Variants in IGSF22 observed in about 807,000 individuals in gnomAD.
The protein encoded by IGSF22 is immunoglobulin superfamily member 22.
In IGSF22, 119 loss-of-function variants were observed where a neutral mutation model predicts 127.0. The ratio of observed to expected loss-of-function variants is 0.94; its 90% CI spans 0.81 to 1.09. The LOEUF (loss-of-function observed/expected upper bound fraction) is 1.09. Among genes scored for constraint, IGSF22 ranks in the 50% least tolerant of loss-of-function variants. IGSF22 has a pLI of 0.00. For missense variants in IGSF22, 1,518 were observed against 1,716.6 expected (o/e 0.88, Z 2.04); for synonymous variants, 568 against 664.7 (o/e 0.85, Z 2.24).
chr11:18,705,166 C>A (rs746520898), intron 22 of IGSF22, among the ~76,000 whole-genome samples: 6 of 152,062 alleles, frequency 3.9e-5, no homozygotes, highest in Non-Finnish European at 7.4e-5. Context: ...AGGGGGAAAC[C>A]TTCTTGGTTT....
Position 18,718,604 on chromosome 11 carries a change from G to T in IGSF22, c.810+11C>A, listed in dbSNP as rs1256748216. ...TATTGCCAAGGTGGACCCTGGCTAG[G>T]CATCCCCCACCTTGATCCATATCAT... On this transcript the variant is annotated intron_variant, in intron 8 of 22. Coordinates refer to ENST00000513874, the MANE Select transcript of IGSF22 (RefSeq NM_173588.4). 8 of 1,497,896 alleles carry T rather than the reference G, an allele frequency of 5.3e-6. No homozygotes were observed. The South Asian group carries it at 7.9e-5, about 15-fold the overall frequency. The allele number at this position is 1,497,896 out of a possible 1,614,324, so 92.8% of individuals were successfully genotyped here. A position where few individuals can be genotyped will look rare whatever the true frequency, so the allele number is the denominator to read the frequency against.
intron 20 of IGSF22, 113 bp from the exon 21 acceptor site, chr11:18,707,326 C>A (rs957700583): frequency 1.3e-5 from 13 of 993,272 alleles, no homozygotes; most frequent in Non-Finnish European, 1.7e-5. Context: ...TCTCAGGCAG[C>A]TGGTGTCTTG....
chr11:18,721,464 A>G, intron 4 of IGSF22, 71 bp downstream of exon 4: 1 of 1,602,058 alleles, frequency 6.2e-7, no homozygotes, highest in Non-Finnish European at 8.5e-7. Flanking sequence ...CGGTGAGAAG[A>G]CTGGCGGCCC....
In IGSF22 at chr11:18,717,010, A is replaced by C. The variant is rs1848475769; in HGVS notation, c.974-10T>G. The stretch of plus-strand genomic sequence containing the variant: ...AACTTCAGTGGCTCATCTGCAGCAA[A>C]CAGTAGGAGTGGTAGTCATTGGGCT... On this transcript the variant is annotated splice_polypyrimidine_tract_variant and intron_variant, in intron 9 of 22. Transcript: ENST00000513874. The C allele has an allele frequency of 1.2e-6, 2 of 1,613,704 alleles. No homozygotes were observed. Among genetic ancestry groups the C allele is most frequent in the South Asian group, 1.1e-5 (1 of 91,058 alleles).
At chr11:18,711,031 CT>C (rs1392829599) in intron 15 of IGSF22, among the ~76,000 whole-genome samples, 1 of 152,204 alleles carries the variant, frequency 6.6e-6, no homozygotes. Context: ...CTGTCTTGGC[CT>C]TCCGAAGTGC....
chr11:18,712,905 T>C (rs1433943798), intron 14 of IGSF22, among the ~76,000 whole-genome samples: 1 of 152,148 alleles, frequency 6.6e-6, no homozygotes, highest in African/African-American at 2.4e-5. Context: ...GAGGAGGTGG[T>C]GATGGCGTGT....
Position 18,710,347 on chromosome 11 carries a change from A to T in IGSF22, c.2681T>A (p.Val894Glu). The change falls in exon 17 of 23, where the codon GTA becomes GAA. Residue 894 changes from valine (V) to glutamate (E), a missense_variant. Physicochemically the swap from Val to Glu is moderately radical, Grantham distance 121. Transcript: ENST00000513874. ...CTCACTAACAGGATCCTTGGCCACT[A>T]CTGAGCTGGATGGCACACTGGGCTG... ...PGQPSVPSSS[V>E]VAKDPVKPPG... The T allele has an allele frequency of 6.2e-7, 1 of 1,614,200 alleles. No individual in the cohort carries two copies. Among genetic ancestry groups the T allele is most frequent in the South Asian group, 1.1e-5 (1 of 91,082 alleles).
rs752780736 is a variant in IGSF22, at chr11:18,719,863, C to A, written c.549G>T (p.Lys183Asn). ...GCATCTCTTTCTCATTTGCCACCTT[C>A]TTCTGCTTCTTCTTGGGAGCAGGGG... is the stretch of plus-strand genomic sequence containing the variant. ...RAPPAPKKKQKKVANEKEMLE... is the reference protein window; with the variant it reads ...RAPPAPKKKQNKVANEKEMLE... The change falls in exon 7 of 23, where the codon AAG becomes AAT. Residue 183 changes from lysine (K) to asparagine (N), a missense_variant. Physicochemically the swap from Lys to Asn is moderately conservative, Grantham distance 94. This residue lies in a region of IGSF22 where 1,456 missense variants were observed against 1,644.9 expected (regional missense o/e 0.89). Transcript: ENST00000513874. The A allele has an allele frequency of 5.6e-6, 9 of 1,614,192 alleles. No individual in the cohort carries two copies. The East Asian group carries it at 1.8e-4, about 32-fold the overall frequency.
In IGSF22 at chr11:18,724,127, C is replaced by A. The variant is rs761288870; in HGVS notation, c.109+1G>T. The A allele has an allele frequency of 1.9e-6, 3 of 1,610,018 alleles. No homozygotes were observed. The highest frequency in any genetic ancestry group is 3.3e-5 in the Admixed American group (2 of 59,966). On this transcript the variant is annotated splice_donor_variant, in intron 2 of 22. Coordinates refer to ENST00000513874, the MANE Select transcript of IGSF22 (RefSeq NM_173588.4). LOFTEE classifies it high-confidence loss of function. ...CCCTTCCCTGCCCCCATTCCACTTG[C>A]CTCCCACGATCTTGGTTGTCTGGGA...
At chr11:18,708,064 T>G in intron 19 of IGSF22, 68 bp from the exon 20 acceptor site, 5 of 1,581,828 alleles carry the variant, frequency 3.2e-6, no homozygotes, top group South Asian at 1.1e-5. Flanking sequence ...CTTCCTCCAT[T>G]GTCGAGGAGT....
rs116321113 is a variant in IGSF22 at position 18,717,891 on chromosome 11, G to A, written c.973+40C>T. 1.7e-5 allele frequency: 27 copies of A among 1,598,740 alleles called. No homozygotes were observed. The African/African-American group carries it at 1.9e-4, about 11-fold the overall frequency. On this transcript the variant is annotated intron_variant, in intron 9 of 22. Transcript: ENST00000513874. ...CCTGGCCATTCCTCTCTTCCAACCC[G>A]ACATGTCCTCCTTGTGCCCTTGCAT... is the stretch of plus-strand genomic sequence containing the variant.
At chr11:18,705,159 G>C (rs958681696) in intron 22 of IGSF22, among the ~76,000 whole-genome samples, 3 of 151,884 alleles carry the variant, frequency 2.0e-5, no homozygotes, top group Non-Finnish European at 4.4e-5. Context: ...GTGGGGGAGG[G>C]GGAAACCTTC....
rs1848301449 is a variant in IGSF22 at position 18,709,095 on chromosome 11, C to T, written c.2998+292G>A. Among the ~76,000 whole-genome samples the T allele has an allele frequency of 6.6e-6, 1 of 152,188 alleles. No individual in the cohort carries two copies. Among genetic ancestry groups the T allele is most frequent in the Non-Finnish European group, 1.5e-5 (1 of 68,036 alleles). The stretch of plus-strand genomic sequence containing the variant: ...CATGGCTGGCCTTGTGTCCATTAAA[C>T]TCTTTGTTGCAATGCTGTGGTCTCA... On this transcript the variant is annotated intron_variant, in intron 18 of 22. Coordinates refer to ENST00000513874, the MANE Select transcript of IGSF22 (RefSeq NM_173588.4). The surrounding 1 kb of genome is among the most constrained non-coding windows in gnomAD (Gnocchi z 4.8).
Position 18,714,052 on chromosome 11 carries a change from CGGAAGGGGA to C in IGSF22, c.1886_1894del (p.Val629_Arg632delinsGly), listed in dbSNP as rs1848408935. On this transcript the variant is annotated inframe_deletion, in exon 14 of 23. Coordinates refer to ENST00000513874, the MANE Select transcript of IGSF22 (RefSeq NM_173588.4). Reference sequence around the variant, plus strand: ...TGTCACTTTGGGCAGTGGTTTTCCCCGGAAGGGGACCTTGATGTGGGCCGTGTGGCCTAC... The same window carrying C: ...TGTCACTTTGGGCAGTGGTTTTCCCCCCTTGATGTGGGCCGTGTGGCCTAC... 3 of 1,614,156 alleles carry C rather than the reference CGGAAGGGGA, an allele frequency of 1.9e-6. No homozygotes were observed. Among genetic ancestry groups the C allele is most frequent in the African/African-American group, 1.3e-5 (1 of 74,954 alleles).
intron 11 of IGSF22, 130 bp from the exon 12 acceptor site, chr11:18,714,754 G>T: frequency 7.8e-7 from 1 of 1,283,446 alleles, no homozygotes; most frequent in Non-Finnish European, 1.1e-6. Flanking sequence ...TTTATGATGA[G>T]CAGGCGGCTT....
In IGSF22 at chr11:18,712,271, T is replaced by C. The variant is rs749257137; in HGVS notation, c.2209A>G (p.Ile737Val). The change falls in exon 15 of 23, where the codon ATA becomes GTA. Residue 737 changes from isoleucine (I) to valine (V), a missense_variant. Coordinates refer to ENST00000513874, the MANE Select transcript of IGSF22 (RefSeq NM_173588.4). ...DNGGRPVTQF[I>V]VERRAVGKKS... ...TTGCCAACTGCCCTCCGTTCCACTA[T>C]GAACTGTGTCACAGGTCGTCCACCA... The C allele has an allele frequency of 6.4e-7, 1 of 1,551,766 alleles. No homozygotes were observed. Among genetic ancestry groups the C allele is most frequent in the South Asian group, 1.2e-5 (1 of 84,066 alleles).
In IGSF22 at chr11:18,716,467, C is replaced by A. The variant is rs185204163; in HGVS notation, c.1246+261G>T. Among the ~76,000 whole-genome samples the A allele has an allele frequency of 7.0e-4, 107 of 152,260 alleles. No homozygotes were observed. Among genetic ancestry groups the A allele is most frequent in the Non-Finnish European group, 7.1e-4 (48 of 68,016 alleles). On this transcript the variant is annotated intron_variant, in intron 10 of 22. Coordinates refer to ENST00000513874, the MANE Select transcript of IGSF22 (RefSeq NM_173588.4). The surrounding 1 kb of genome is among the most constrained non-coding windows in gnomAD (Gnocchi z 4.5). ...AGACATAGACTAATACTTTCTTGGT[C>A]CATGATCTCACAGCTGATAATAAGA...
intron 9 of IGSF22, among the ~76,000 whole-genome samples, chr11:18,717,369 A>G (rs1034629457): frequency 3.9e-5 from 6 of 152,228 alleles, no homozygotes; most frequent in Non-Finnish European, 7.3e-5. Context: ...CACAAAGCTC[A>G]TAAGTGGCAG....
In IGSF22 at chr11:18,706,924, A is replaced by G; in HGVS notation, c.3570T>C (p.Asn1190=). The part of the protein sequence containing the change: ...PLDSRDTWLI[N]KDQIQDLSAK... ...AAGTCCCAGACTCACTCTGGTCCTT[A>G]TTGATGAGCCAGGTGTCCCTGGAGT... Residue 1190 remains asparagine (N), a synonymous_variant, in exon 21 of 23, where the codon AAT becomes AAC. Transcript: ENST00000513874. 2 of 1,509,226 alleles carry G rather than the reference A, an allele frequency of 1.3e-6. No homozygotes were observed. Among genetic ancestry groups the G allele is most frequent in the Non-Finnish European group, 1.8e-6 (2 of 1,124,122 alleles). 93.5% of individuals were successfully genotyped at this position (1,509,226 alleles called of 1,614,324 possible).
Sources: allele counts gnomAD v4.1 joint callset (sites outside exome capture counted in the v4.1 genomes callset), GRCh38; gene constraint gnomAD v4.1.1; regional missense constraint gnomAD v4.1.1; non-coding constraint Gnocchi (gnomAD v3.1); transcripts MANE v1.5; gene names NCBI Gene and HGNC (gene_info 2026-07-23, HGNC 2026-07-21).